Variants in SNTB2 observed in about 807,000 individuals in gnomAD.
SNTB2 encodes beta-2-syntrophin.
SNTB2 carries 34 observed loss-of-function variants against 46.2 expected under a neutral mutation model. The ratio of observed to expected loss-of-function variants is 0.74; its 90% CI spans 0.56 to 0.98. The LOEUF is 0.98. SNTB2 is among the 50% of genes least tolerant of loss of function. The pLI is 0.00. For synonymous variants in SNTB2, 290 were observed against 312.6 expected (o/e 0.93, Z 0.76); for missense variants, 603 against 731.4 (o/e 0.82, Z 2.02).
At chr16:69,188,400 C>T (rs994009317) in intron 1 of SNTB2, among the ~76,000 whole-genome samples, 7 of 152,230 alleles carry the variant, frequency 4.6e-5, no homozygotes, top group Non-Finnish European at 8.8e-5. Context: ...CTGCTGCCAG[C>T]TTCCTACCAC....
At chr16:69,290,975 G>T (rs1390596842) in intron 5 of SNTB2, among the ~76,000 whole-genome samples, 2 of 152,186 alleles carry the variant, frequency 1.3e-5, no homozygotes, top group Non-Finnish European at 2.9e-5. Context: ...CATATTTACT[G>T]AATGTTTTAG....
intron 1 of SNTB2, among the ~76,000 whole-genome samples, chr16:69,212,362 G>A (rs1964296855): frequency 6.8e-6 from 1 of 147,176 alleles, no homozygotes; most frequent in African/African-American, 2.5e-5. Flanking sequence ...TTATTTTTGA[G>A]ACAGAGTCTC....
intron 1 of SNTB2, among the ~76,000 whole-genome samples, chr16:69,191,892 C>A (rs1429313971): frequency 2.0e-5 from 3 of 152,166 alleles, no homozygotes; most frequent in Non-Finnish European, 2.9e-5. Context: ...CTGCCTGCCT[C>A]AGCCTCCCAA....
Position 69,305,962 on chromosome 16 carries a change from G to C in SNTB2, c.*5038G>C, listed in dbSNP as rs1215892485. On this transcript the variant is annotated 3_prime_UTR_variant, in exon 7 of 7. Transcript: ENST00000336278. ...CACTGTGCTGGATACATAGACACTC[G>C]ATAAATGTGTGATGATAGTTCTAAA... is the stretch of plus-strand genomic sequence containing the variant. 6.6e-6 allele frequency: 1 copy of C among 151,988 alleles called. No homozygotes were observed. The highest frequency in any genetic ancestry group is 1.5e-5 in the Non-Finnish European group (1 of 68,016). The allele number at this position is 151,988 out of a possible 1,614,324, so 9.4% of individuals were successfully genotyped here. A position where few individuals can be genotyped will look rare whatever the true frequency, so the allele number is the denominator to read the frequency against.
In SNTB2 at chr16:69,284,258, C is replaced by T. The variant is rs1965078531; in HGVS notation, c.1345+14C>T. 1 of 1,581,492 alleles carries T rather than the reference C, an allele frequency of 6.3e-7. No homozygotes were observed. The highest frequency in any genetic ancestry group is 1.1e-5 in the South Asian group (1 of 87,024). On this transcript the variant is annotated intron_variant, in intron 5 of 6. Coordinates refer to ENST00000336278, the MANE Select transcript of SNTB2 (RefSeq NM_006750.4). ...AAGTCTCTCTAGGTAGAGATGCTGA[C>T]TTTTTATTTCTAGTAGTAATTAAAT...
intron 5 of SNTB2, among the ~76,000 whole-genome samples, chr16:69,292,366 ATATATATATATATTATATATATATT>A (rs1555501221): frequency 3.4e-5 from 1 of 29,236 alleles, no homozygotes; most frequent in Non-Finnish European, 6.4e-5. Flanking sequence ...ATATATATAT[ATATATATATATATTATATATATATT>A]ATATATATAT....
rs137919509 is a variant in SNTB2 at position 69,207,531 on chromosome 16, GAA to G, written c.580+19788_580+19789del. Among the ~76,000 whole-genome samples, 27 of 152,264 alleles carry G rather than the reference GAA, an allele frequency of 1.8e-4. No homozygotes were observed. In the East Asian group the frequency reaches 5.0e-3, roughly 28 times the overall value. ...TGTTGACCAATTATAAAGTAGATAA[GAA>G]AATAAGAAAATTGACATTGTCGAGA... On this transcript the variant is annotated intron_variant, in intron 1 of 6. Transcript: ENST00000336278.
At chr16:69,214,077 C>A (rs575201260) in intron 1 of SNTB2, among the ~76,000 whole-genome samples, 39 of 150,904 alleles carry the variant, frequency 2.6e-4, no homozygotes, top group African/African-American at 9.0e-4. Context: ...CCCGCCTCGG[C>A]CTCCCAAAGT....
chr16:69,206,198 C>T (rs1597171741), intron 1 of SNTB2, among the ~76,000 whole-genome samples: 1 of 152,222 alleles, frequency 6.6e-6, no homozygotes, highest in Non-Finnish European at 1.5e-5. Context: ...AGGGTTCTCA[C>T]TATGTTGCCT....
chr16:69,195,923 T>C (rs1468343834), intron 1 of SNTB2, among the ~76,000 whole-genome samples: 2 of 152,162 alleles, frequency 1.3e-5, no homozygotes, highest in Non-Finnish European at 2.9e-5. Flanking sequence ...TTAACTTATG[T>C]ACACTATAAC....
intron 2 of SNTB2, among the ~76,000 whole-genome samples, chr16:69,257,635 C>T (rs541427576): frequency 7.2e-5 from 11 of 152,066 alleles, no homozygotes; most frequent in South Asian, 6.2e-4. Flanking sequence ...TTAATAGAGA[C>T]GGGGTTTCAC....
chr16:69,242,804 G>C (rs1964631002), intron 1 of SNTB2, among the ~76,000 whole-genome samples: 1 of 152,084 alleles, frequency 6.6e-6, no homozygotes, highest in Admixed American at 6.6e-5. Context: ...GGTGGATCAC[G>C]AGGTCTGGAG....
In SNTB2 at chr16:69,307,095, ATT is replaced by A. The variant is rs1305367323; in HGVS notation, c.*6172_*6173del. 6 of 152,230 alleles carry A rather than the reference ATT, an allele frequency of 3.9e-5. No homozygotes were observed. The highest frequency in any genetic ancestry group is 7.3e-5 in the Non-Finnish European group (5 of 68,038). The allele number at this position is 152,230 out of a possible 1,614,324, so 9.4% of individuals were successfully genotyped here. Reference sequence around the variant, plus strand: ...GTGTTCTTTCATCTAATAAACATTTATTAATGTATAGTTCTACACCAGGCATT... The same window carrying A: ...GTGTTCTTTCATCTAATAAACATTTAAATGTATAGTTCTACACCAGGCATT... On this transcript the variant is annotated 3_prime_UTR_variant, in exon 7 of 7. Coordinates refer to ENST00000336278, the MANE Select transcript of SNTB2 (RefSeq NM_006750.4).
Position 69,284,139 on chromosome 16 carries a change from A to C in SNTB2, c.1240A>C (p.Met414Leu). ...GACAGGCTCTCGACAGGGCATTGAG[A>C]TGCATCTCTTCAGGGTGGAGACACA... ...TRTGSRQGIEMHLFRVETHRD... is the reference protein window; with the variant it reads ...TRTGSRQGIELHLFRVETHRD... Residue 414 changes from methionine (M) to leucine (L), a missense_variant, in exon 5 of 7, where the codon ATG (methionine) becomes CTG (leucine). Coordinates refer to ENST00000336278, the MANE Select transcript of SNTB2 (RefSeq NM_006750.4). 1 of 1,614,020 alleles carries C rather than the reference A, an allele frequency of 6.2e-7. No individual in the cohort carries two copies. The highest frequency in any genetic ancestry group is 1.7e-5 in the Admixed American group (1 of 59,984).
At chr16:69,232,545 C>A (rs1414786007) in intron 1 of SNTB2, among the ~76,000 whole-genome samples, 2 of 104,076 alleles carry the variant, frequency 1.9e-5, no homozygotes, top group African/African-American at 7.6e-5. Flanking sequence ...CGGAGTCTCG[C>A]TCTGTTGCCA....
At chr16:69,266,249 G>A (rs1441294046) in intron 3 of SNTB2, among the ~76,000 whole-genome samples, 1 of 151,914 alleles carries the variant, frequency 6.6e-6, no homozygotes, top group Admixed American at 6.6e-5. Flanking sequence ...CTGTAATCCC[G>A]GCTACTCAAG....
At chr16:69,283,308 T>C (rs1234563205) in intron 4 of SNTB2, among the ~76,000 whole-genome samples, 1 of 152,222 alleles carries the variant, frequency 6.6e-6, no homozygotes, top group East Asian at 1.9e-4. Context: ...TAGACAGTCA[T>C]GTCATTTGCA....
intron 1 of SNTB2, among the ~76,000 whole-genome samples, chr16:69,203,613 T>C (rs181169637): frequency 1.8e-4 from 28 of 152,160 alleles, no homozygotes; most frequent in African/African-American, 6.7e-4. Context: ...GTGCTGGGAT[T>C]ACAGACTGAG....
At chr16:69,282,843 G>A (rs1965063266) in intron 4 of SNTB2, among the ~76,000 whole-genome samples, 1 of 152,112 alleles carries the variant, frequency 6.6e-6, no homozygotes, top group Non-Finnish European at 1.5e-5. Context: ...TTCATTTTAT[G>A]GTAACTGACA....
Sources: gnomAD v4.1 joint callset for allele counts (sites outside exome capture counted in the v4.1 genomes callset) on GRCh38, gnomAD v4.1.1 for gene constraint, MANE v1.5 for transcripts, NCBI Gene and HGNC (gene_info 2026-07-23, HGNC 2026-07-21) for gene names.